The following PRMT5 variants were observed in gnomAD, a reference collection of about 807,000 sequenced individuals.
PRMT5 encodes protein arginine methyltransferase 5, also known as protein arginine N-methyltransferase 5.
In PRMT5, 15 loss-of-function variants were observed where a neutral mutation model predicts 84.0. That is an observed-to-expected ratio of 0.18 (90% CI 0.12 to 0.28). The LOEUF (loss-of-function observed/expected upper bound fraction) is 0.28. Among genes scored for constraint, PRMT5 ranks in the 10% least tolerant of loss-of-function variants. PRMT5 has a pLI of 1.00. For missense variants in PRMT5, 486 were observed against 808.0 expected (o/e 0.60, Z 4.83); for synonymous variants, 276 against 292.4 (o/e 0.94, Z 0.57).
At chr14:22,927,178 C>T (rs2044440412) in intron 4 of PRMT5, among the ~76,000 whole-genome samples, 1 of 151,316 alleles carries the variant, frequency 6.6e-6, no homozygotes, top group Non-Finnish European at 1.5e-5. Flanking sequence ...CTCCGCCTCA[C>T]AGGTTCAAGT....
In PRMT5 at chr14:22,923,140, C is replaced by G; in HGVS notation, c.1396G>C (p.Gly466Arg). ...FLKDDGVSIP[G>R]EYTSFLAPIS... ...GGAGCCAGAAAGGAAGTGTACTCCC[C>G]GGGGATGCTCACACCATCATCTGCA... The change falls in exon 13 of 17, where the codon GGG becomes CGG. Residue 466 changes from glycine to arginine, a missense_variant. By Grantham distance (125) the Gly-to-Arg change is moderately radical (BLOSUM62 -2). This residue lies in a region of PRMT5 where 219 missense variants were observed against 433.6 expected (regional missense o/e 0.51). Coordinates refer to ENST00000324366, the MANE Select transcript of PRMT5 (RefSeq NM_006109.5). The surrounding 1 kb of genome is among the most constrained non-coding windows in gnomAD (Gnocchi z 5.2). The G allele has an allele frequency of 1.9e-6, 3 of 1,611,818 alleles. No homozygotes were observed. The highest frequency in any genetic ancestry group is 2.5e-6 in the Non-Finnish European group (3 of 1,179,252).
chr14:22,920,610 G>A lies in PRMT5; in HGVS notation c.*294C>T, dbSNP rs768304949. On this transcript the variant is annotated 3_prime_UTR_variant, in exon 17 of 17. Coordinates refer to ENST00000324366, the MANE Select transcript of PRMT5 (RefSeq NM_006109.5). ...AAGAACAGAAAAAGGCTGAAAATCC[G>A]TTCAAACCCCATGTTCTCAGGGATA... The A allele has an allele frequency of 1.7e-4, 108 of 617,600 alleles. No homozygotes were observed. In the Middle Eastern group the frequency reaches 1.8e-3, roughly 10 times the overall value. The allele number at this position is 617,600 out of a possible 1,614,324, so 38.3% of individuals were successfully genotyped here. A position where few individuals can be genotyped will look rare whatever the true frequency, so the allele number is the denominator to read the frequency against.
intron 1 of PRMT5, 30 bp downstream of exon 1, chr14:22,929,222 G>T: frequency 6.2e-7 from 1 of 1,613,750 alleles, no homozygotes; most frequent in African/African-American, 1.3e-5. Flanking sequence ...TTCGGACCCC[G>T]CATTCCGCTC....
Position 22,926,549 on chromosome 14 carries a change from G to A in PRMT5, c.570C>T (p.His190=). The A allele has an allele frequency of 6.2e-7, 1 of 1,614,136 alleles. No homozygotes were observed. The highest frequency in any genetic ancestry group is 8.5e-7 in the Non-Finnish European group (1 of 1,180,028). ...SGEEKTWMWW[H]NFRTLCDYSK... ...TATAGTCACACAAAGTCCGGAAGTT[G>A]TGCCACCTGTTCAGTCAAATACAGA... is the stretch of plus-strand genomic sequence containing the variant. Residue 190 remains histidine (H), a synonymous_variant, in exon 6 of 17, where the codon CAC becomes CAT. Transcript: ENST00000324366.
chr14:22,922,315 C>G, intron 15 of PRMT5, 75 bp from the exon 16 acceptor site: 1 of 1,407,006 alleles, frequency 7.1e-7, no homozygotes, highest in Non-Finnish European at 9.9e-7. Flanking sequence ...AGGGTCTCTT[C>G]TCTAATCACA....
Position 22,924,202 on chromosome 14 carries a change from G to A in PRMT5, c.1200-19C>T, listed in dbSNP as rs945182144. The A allele has an allele frequency of 5.0e-6, 8 of 1,611,296 alleles. No homozygotes were observed. Among genetic ancestry groups the A allele is most frequent in the Non-Finnish European group, 6.8e-6 (8 of 1,178,256 alleles). On this transcript the variant is annotated intron_variant, in intron 11 of 16. Coordinates refer to ENST00000324366, the MANE Select transcript of PRMT5 (RefSeq NM_006109.5). This position sits in a 1 kb window ranked among gnomAD's most constrained non-coding sequence, Gnocchi z 6.5. ...CTCTAGCCTGAAACAGAGACAATAAGGTAAGGAGAGATGTTAAGGAAATTT... is the reference window on the plus strand; with the variant it reads ...CTCTAGCCTGAAACAGAGACAATAAAGTAAGGAGAGATGTTAAGGAAATTT...
chr14:22,926,318 C>G, intron 6 of PRMT5, 22 bp from the exon 7 acceptor site: 2 of 1,610,900 alleles, frequency 1.2e-6, no homozygotes, highest in Non-Finnish European at 1.7e-6. Flanking sequence ...AAAAGAAAAA[C>G]TGTCAACCAC....
In PRMT5 at chr14:22,920,568, C is replaced by A. The variant is rs1032398773; in HGVS notation, c.*336G>T. 2.4e-5 allele frequency: 12 copies of A among 505,600 alleles called. No individual in the cohort carries two copies. Among genetic ancestry groups the A allele is most frequent in the African/African-American group, 3.9e-5 (2 of 51,540 alleles). The allele number at this position is 505,600 out of a possible 1,614,324, so 31.3% of individuals were successfully genotyped here. The stretch of plus-strand genomic sequence containing the variant: ...ATAACTTTATTTGTATTTCCTCTTA[C>A]ACAAAACCATCAAAACAAGAACAGA... On this transcript the variant is annotated 3_prime_UTR_variant, in exon 17 of 17. Transcript: ENST00000324366.
intron 7 of PRMT5, among the ~76,000 whole-genome samples, chr14:22,925,602 T>C (rs932690953): frequency 1.3e-5 from 2 of 151,874 alleles, no homozygotes; most frequent in African/African-American, 2.4e-5. Context: ...GGTGGATCAT[T>C]TGAGGTCAGG....
intron 16 of PRMT5, 73 bp from the exon 17 acceptor site, chr14:22,921,129 G>A: frequency 1.3e-6 from 2 of 1,562,492 alleles, no homozygotes; most frequent in African/African-American, 1.3e-5. Flanking sequence ...AGGTAGGTGT[G>A]GAGATAAAAT....
intron 4 of PRMT5, among the ~76,000 whole-genome samples, chr14:22,927,255 T>C (rs935105229): frequency 1.7e-4 from 25 of 148,162 alleles, no homozygotes; most frequent in Non-Finnish European, 2.9e-4. Flanking sequence ...CTAGCTAATT[T>C]GTGTTTTTTT....
Position 22,929,340 on chromosome 14 carries a change from C to T in PRMT5, c.22G>A (p.Gly8Ser). The change falls in exon 1 of 17, where the codon GGT becomes AGT. Residue 8 changes from glycine (G) to serine (S), a missense_variant. By Grantham distance (56) the Gly-to-Ser change is moderately conservative. Around this residue, in one of 4 missense-constraint regions of PRMT5, gnomAD observed 51 missense variants for 53.8 expected, o/e 0.95. Coordinates refer to ENST00000324366, the MANE Select transcript of PRMT5 (RefSeq NM_006109.5). ...CTGGACACGCGGCTCCCACCAGCAC[C>T]CCCGACCGCCATCGCCGCCATCTTT... is the stretch of plus-strand genomic sequence containing the variant. The part of the protein sequence containing the change: MAAMAVG[G>S]AGGSRVSSGR... The T allele has an allele frequency of 6.2e-7, 1 of 1,610,306 alleles. No individual in the cohort carries two copies. The highest frequency in any genetic ancestry group is 8.5e-7 in the Non-Finnish European group (1 of 1,179,004).
chr14:22,921,884 TAA>T (rs34529278), intron 16 of PRMT5, among the ~76,000 whole-genome samples: 24 of 119,994 alleles, frequency 2.0e-4, no homozygotes, highest in African/African-American at 2.8e-4. Context: ...TCCGTCTCTT[TAA>T]AAAAAAAAAA....
intron 16 of PRMT5, among the ~76,000 whole-genome samples, chr14:22,921,923 A>G (rs1363730013): frequency 6.6e-6 from 1 of 151,426 alleles, no homozygotes; most frequent in Non-Finnish European, 1.5e-5. Context: ...GAGAGATAAG[A>G]TCAAATTTGA....
At chr14:22,922,645 AGT>A in intron 14 of PRMT5, 86 bp from the exon 15 acceptor site, 1 of 1,513,910 alleles carries the variant, frequency 6.6e-7, no homozygotes, top group South Asian at 1.1e-5. Context: ...GGAAAGGAAG[AGT>A]AGATAAGGCA....
At chr14:22,929,166 C>A in intron 1 of PRMT5, 86 bp downstream of exon 1, 1 of 1,614,138 alleles carries the variant, frequency 6.2e-7, no homozygotes. Context: ...GACCCCCTCA[C>A]CCCTGCTTCT....
rs528808078 is a variant in PRMT5, at chr14:22,923,520, A to G, written c.1376-360T>C. On this transcript the variant is annotated intron_variant, in intron 12 of 16. Coordinates refer to ENST00000324366, the MANE Select transcript of PRMT5 (RefSeq NM_006109.5). The surrounding 1 kb of genome is among the most constrained non-coding windows in gnomAD (Gnocchi z 5.2). ...TATTTATTTATTTATTTATTTATTT[A>G]TTTATTTATTTGAGATGGAGTCTCG... 7.4e-3 allele frequency: 1,137 copies of G among 153,900 alleles called. 16 individuals carry two copies. The highest frequency in any genetic ancestry group is 0.03 in the Middle Eastern group (9 of 300). The allele number at this position is 153,900 out of a possible 1,614,324, so 9.5% of individuals were successfully genotyped here.
At chr14:22,922,018 A>T in intron 16 of PRMT5, 158 bp downstream of exon 16, 1 of 694,096 alleles carries the variant, frequency 1.4e-6, no homozygotes, top group Non-Finnish European at 2.5e-6. Flanking sequence ...GCAGAAGGCC[A>T]CTCCAAATAC....
At position 22,926,717 on chromosome 14, in the gene PRMT5, T is replaced by C. The variant is rs753254550; in HGVS notation, c.548A>G (p.Glu183Gly). The change falls in exon 5 of 17, where the codon GAG becomes GGG. Residue 183 changes from glutamate (E) to glycine (G), a missense_variant. Glu to Gly is a moderately conservative substitution (Grantham distance 98, BLOSUM62 -2). Around this residue, in one of 4 missense-constraint regions of PRMT5, gnomAD observed 215 missense variants for 301.1 expected, o/e 0.71. Coordinates refer to ENST00000324366, the MANE Select transcript of PRMT5 (RefSeq NM_006109.5). ...TTHTEEYSGE[E>G]KTWMWWHNFR... ...GGAGACATACCACATCCACGTTTTCTCCTCCCCACTGTACTCCTCTGTGTG... is the reference window on the plus strand; with the variant it reads ...GGAGACATACCACATCCACGTTTTCCCCTCCCCACTGTACTCCTCTGTGTG... 2 of 1,613,936 alleles carry C rather than the reference T, an allele frequency of 1.2e-6. No homozygotes were observed. Among genetic ancestry groups the C allele is most frequent in the Admixed American group, 1.7e-5 (1 of 60,004 alleles).
Sources: allele counts gnomAD v4.1 joint callset (sites outside exome capture counted in the v4.1 genomes callset), GRCh38; gene constraint gnomAD v4.1.1; regional missense constraint gnomAD v4.1.1; non-coding constraint Gnocchi (gnomAD v3.1); transcripts MANE v1.5; gene names NCBI Gene and HGNC (gene_info 2026-07-23, HGNC 2026-07-21).